KANK3: variants seen among roughly 807,000 people sequenced by gnomAD.
KANK3 encodes KN motif and ankyrin repeat domains 3.
In KANK3, 61 loss-of-function variants were observed where a neutral mutation model predicts 65.4. That is an observed-to-expected ratio of 0.93 (90% CI 0.76 to 1.15). The LOEUF (loss-of-function observed/expected upper bound fraction) is 1.15. KANK3 is among the 50% of genes most tolerant of loss of function. The pLI is 0.00. For missense variants in KANK3, 1,187 were observed against 1,178.8 expected (o/e 1.01, Z -0.10); for synonymous variants, 586 against 543.3 (o/e 1.08, Z -1.09).
Position 8,334,856 on chromosome 19 carries a change from TC to T in KANK3, c.970del (p.Glu324ArgfsTer17), listed in dbSNP as rs1474126727. On this transcript the variant is annotated frameshift_variant, in exon 3 of 11. Coordinates refer to ENST00000330915, the MANE Select transcript of KANK3 (RefSeq NM_198471.3). LOFTEE classifies it high-confidence loss of function. ...AGAQAVPETREAGVEAAPETV... is the reference protein window; with the variant it reads ...AGAQAVPETRXAGVEAAPETV... ...CTCGGGGGCAGCCTCCACGCCGGCCTCCCGGGTCTCCGGCACGGCCTGGGCA... is the reference window on the plus strand; with the variant it reads ...CTCGGGGGCAGCCTCCACGCCGGCCTCCGGGTCTCCGGCACGGCCTGGGCA... The T allele has an allele frequency of 1.4e-6, 2 of 1,461,904 alleles. No homozygotes were observed. Among genetic ancestry groups the T allele is most frequent in the Non-Finnish European group, 9.0e-7 (1 of 1,116,546 alleles). 90.6% of individuals were successfully genotyped at this position (1,461,904 alleles called of 1,614,324 possible).
chr19:8,331,110 G>A (rs940946029), intron 7 of KANK3, among the ~76,000 whole-genome samples: 5 of 149,682 alleles, frequency 3.3e-5, no homozygotes, highest in South Asian at 2.1e-4. Flanking sequence ...GGAGAATGGC[G>A]TGAACCCGGG....
chr19:8,326,481 TAAAAAAAAAAAAAA>T (rs369948563), intron 7 of KANK3, among the ~76,000 whole-genome samples: 11 of 119,452 alleles, frequency 9.2e-5, no homozygotes, highest in South Asian at 2.8e-4. Flanking sequence ...CCACCTGTTG[TAAAAAAAAAAAAAA>T]AAAAAAAAAA....
chr19:8,335,097 G>A lies in KANK3; in HGVS notation c.730C>T (p.Leu244Phe). Residue 244 changes from leucine to phenylalanine, a missense_variant, in exon 3 of 11, where the codon CTC becomes TTC. By Grantham distance (22) the Leu-to-Phe change is conservative. This residue lies in a region of KANK3 where 1,078 missense variants were observed against 1,038.2 expected (regional missense o/e 1.04). Coordinates refer to ENST00000330915, the MANE Select transcript of KANK3 (RefSeq NM_198471.3). ...DGEAETRPDKLAQLRRLTERL... is the reference protein window; with the variant it reads ...DGEAETRPDKFAQLRRLTERL... Reference sequence around the variant, plus strand: ...TCGGTGAGCCGCCGCAGCTGGGCGAGCTTGTCCGGGCGCGTCTCAGCCTCC... The same window carrying A: ...TCGGTGAGCCGCCGCAGCTGGGCGAACTTGTCCGGGCGCGTCTCAGCCTCC... The A allele has an allele frequency of 7.7e-7, 1 of 1,298,542 alleles. No homozygotes were observed. Among genetic ancestry groups the A allele is most frequent in the Non-Finnish European group, 9.7e-7 (1 of 1,027,612 alleles). 80.4% of individuals were successfully genotyped at this position (1,298,542 alleles called of 1,614,324 possible).
chr19:8,326,090 G>C (rs1179866201), intron 7 of KANK3, among the ~76,000 whole-genome samples: 1 of 152,094 alleles, frequency 6.6e-6, no homozygotes, highest in Non-Finnish European at 1.5e-5. Flanking sequence ...CCAAAGTGCT[G>C]GGATTACAGG....
Position 8,322,811 on chromosome 19 carries a change from C to G in KANK3, c.*28G>C, listed in dbSNP as rs781375579. 3 of 1,550,702 alleles carry G rather than the reference C, an allele frequency of 1.9e-6. No individual in the cohort carries two copies. The highest frequency in any genetic ancestry group is 2.7e-6 in the Non-Finnish European group (3 of 1,125,264). ...GACTGACGAGGAGATCTCCCCACAG[C>G]TAGGTGTAGTGAGCCAGACGAGGCA... On this transcript the variant is annotated 3_prime_UTR_variant, in exon 11 of 11. Transcript: ENST00000330915.
intron 1 of KANK3, among the ~76,000 whole-genome samples, chr19:8,338,426 A>G (rs1409283147): frequency 6.6e-6 from 1 of 152,176 alleles, no homozygotes; most frequent in African/African-American, 2.4e-5. Context: ...GAAGGTGACC[A>G]AGAAAACAAG....
chr19:8,328,387 CCACACACACACACACACA>C (rs55963090), intron 7 of KANK3, among the ~76,000 whole-genome samples: 1,888 of 145,210 alleles, frequency 0.013, 61 homozygotes, highest in South Asian at 0.12. Context: ...ACCACCCCCA[CCACACACACACACACACA>C]CACACACACA....
chr19:8,339,342 C>A (rs1384395595), intron 1 of KANK3, among the ~76,000 whole-genome samples: 1 of 148,946 alleles, frequency 6.7e-6, no homozygotes, highest in Non-Finnish European at 1.5e-5. Context: ...CGCAACATAG[C>A]GAGACCCTAT....
rs781375579 is a variant in KANK3 at position 8,322,811 on chromosome 19, C to T, written c.*28G>A. Reference sequence around the variant, plus strand: ...GACTGACGAGGAGATCTCCCCACAGCTAGGTGTAGTGAGCCAGACGAGGCA... The same window carrying T: ...GACTGACGAGGAGATCTCCCCACAGTTAGGTGTAGTGAGCCAGACGAGGCA... On this transcript the variant is annotated 3_prime_UTR_variant, in exon 11 of 11. Coordinates refer to ENST00000330915, the MANE Select transcript of KANK3 (RefSeq NM_198471.3). 5.2e-6 allele frequency: 8 copies of T among 1,550,702 alleles called. No individual in the cohort carries two copies. The highest frequency in any genetic ancestry group is 7.1e-6 in the Non-Finnish European group (8 of 1,125,264).
intron 7 of KANK3, 27 bp downstream of exon 7, chr19:8,332,987 T>TTGGGGCCCCCC: frequency 2.5e-5 from 10 of 395,188 alleles, no homozygotes; most frequent in East Asian, 6.5e-5. Flanking sequence ...TTTCCTGGTG[T>TTGGGGCCCCCC]CCCACCCACC....
intron 1 of KANK3, among the ~76,000 whole-genome samples, chr19:8,340,911 C>G (rs1458793591): frequency 6.6e-6 from 1 of 152,130 alleles, no homozygotes; most frequent in Non-Finnish European, 1.5e-5. Flanking sequence ...CAGGAAATTG[C>G]CAGGGAAGAA....
chr19:8,340,877 C>G (rs1316577211), intron 1 of KANK3, among the ~76,000 whole-genome samples: 1 of 152,164 alleles, frequency 6.6e-6, no homozygotes, highest in Non-Finnish European at 1.5e-5. Context: ...CAGAGGACAG[C>G]CAATGCCGTT....
At chr19:8,339,140 A>G (rs943085478) in intron 1 of KANK3, among the ~76,000 whole-genome samples, 1 of 152,120 alleles carries the variant, frequency 6.6e-6, no homozygotes, top group Admixed American at 6.6e-5. Context: ...TGCCTGGGAA[A>G]GTGACTGTTT....
intron 2 of KANK3, among the ~76,000 whole-genome samples, chr19:8,336,068 CAG>C (rs60428200): frequency 0.07 from 10,699 of 152,228 alleles, 755 homozygotes; most frequent in African/African-American, 0.18. Context: ...GTAATAATAA[CAG>C]GGAATAAACG....
chr19:8,322,736 A>G lies in KANK3; in HGVS notation c.*103T>C, dbSNP rs920044681. 7 of 555,972 alleles carry G rather than the reference A, an allele frequency of 1.3e-5. No individual in the cohort carries two copies. Among genetic ancestry groups the G allele is most frequent in the Non-Finnish European group, 2.2e-5 (7 of 318,970 alleles). 34.4% of individuals were successfully genotyped at this position (555,972 alleles called of 1,614,324 possible). On this transcript the variant is annotated 3_prime_UTR_variant, in exon 11 of 11. Transcript: ENST00000330915. ...ATTGCCTTTCTCTTCGGCCAGTGTT[A>G]GCCTCTGAGCAGGGGACCCTGGACC...
chr19:8,329,492 CAAAAAAAAAAA>C (rs59607185), intron 7 of KANK3, among the ~76,000 whole-genome samples: 3 of 51,122 alleles, frequency 5.9e-5, no homozygotes, highest in African/African-American at 1.5e-4. Context: ...GACTCGGCCT[CAAAAAAAAAAA>C]AAAAAAAAAA....
At chr19:8,328,915 G>A (rs920889631) in intron 7 of KANK3, among the ~76,000 whole-genome samples, 3 of 151,964 alleles carry the variant, frequency 2.0e-5, no homozygotes, top group Non-Finnish European at 2.9e-5. Flanking sequence ...CACGCCTGTA[G>A]TCCCAGCACT....
chr19:8,340,362 A>G lies in KANK3; in HGVS notation c.-28-2506T>C, dbSNP rs115048583. 6.5e-3 allele frequency among the ~76,000 whole-genome samples: 989 copies of G among 151,714 alleles called. 18 individuals carry two copies. The highest frequency in any genetic ancestry group is 0.023 in the African/African-American group (941 of 41,224). On this transcript the variant is annotated intron_variant, in intron 1 of 10. Transcript: ENST00000330915. The stretch of plus-strand genomic sequence containing the variant: ...TTGCATACTGCAAAGTAGTATTATT[A>G]TTCATATTTTACAGATGGAGAAACT...
rs1424780813 is a variant in KANK3, at chr19:8,322,814, G to T, written c.*25C>A. The T allele has an allele frequency of 5.8e-6, 9 of 1,560,534 alleles. No individual in the cohort carries two copies. Among genetic ancestry groups the T allele is most frequent in the Non-Finnish European group, 7.9e-6 (9 of 1,134,296 alleles). ...TGACGAGGAGATCTCCCCACAGCTA[G>T]GTGTAGTGAGCCAGACGAGGCAGCT... On this transcript the variant is annotated 3_prime_UTR_variant, in exon 11 of 11. Transcript: ENST00000330915.
Sources: allele counts gnomAD v4.1 joint callset (sites outside exome capture counted in the v4.1 genomes callset), GRCh38; gene constraint gnomAD v4.1.1; regional missense constraint gnomAD v4.1.1; transcripts MANE v1.5; gene names NCBI Gene and HGNC (gene_info 2026-07-23, HGNC 2026-07-21).